SIK3: variants seen among roughly 807,000 people sequenced by gnomAD.
SIK3 encodes serine/threonine-protein kinase SIK3.
In SIK3, 28 loss-of-function variants were observed where a neutral mutation model predicts 144.2. That is an observed-to-expected ratio of 0.19 (90% CI 0.14 to 0.27). The LOEUF (loss-of-function observed/expected upper bound fraction) is 0.27. SIK3 is among the 10% of genes least tolerant of loss of function. The pLI is 1.00. For missense variants in SIK3, 1,319 were observed against 1,776.0 expected (o/e 0.74, Z 4.62); for synonymous variants, 686 against 676.3 (o/e 1.01, Z -0.22).
chr11:117,080,931 G>A (rs1386772702), intron 1 of SIK3, among the ~76,000 whole-genome samples: 1 of 152,110 alleles, frequency 6.6e-6, no homozygotes, highest in African/African-American at 2.4e-5. Context: ...ATGGGTGACA[G>A]AGAAACTCTG....
At chr11:117,065,175 CAATAAT>C (rs969211734) in intron 1 of SIK3, among the ~76,000 whole-genome samples, 1 of 148,310 alleles carries the variant, frequency 6.7e-6, no homozygotes, top group African/African-American at 2.5e-5. Context: ...ATAATAATAA[CAATAAT>C]AATAATAATA....
intron 1 of SIK3, among the ~76,000 whole-genome samples, chr11:116,983,962 G>A (rs529744009): frequency 6.7e-6 from 1 of 149,072 alleles, no homozygotes; most frequent in Admixed American, 6.8e-5. Flanking sequence ...GAGGCAGGAG[G>A]AGCACTTGAG....
At chr11:116,894,492 T>G (rs561614329) in intron 6 of SIK3, among the ~76,000 whole-genome samples, 2 of 152,216 alleles carry the variant, frequency 1.3e-5, no homozygotes, top group Non-Finnish European at 2.9e-5. Context: ...AGTAAAACCA[T>G]CCTTCCATTT....
intron 4 of SIK3, among the ~76,000 whole-genome samples, chr11:116,906,634 G>A (rs1212531159): frequency 1.3e-5 from 2 of 152,146 alleles, no homozygotes; most frequent in Non-Finnish European, 2.9e-5. Context: ...GCAGAAAAAG[G>A]TGGCTTACAG....
At chr11:117,019,375 C>G (rs377684576) in intron 1 of SIK3, among the ~76,000 whole-genome samples, 23 of 152,240 alleles carry the variant, frequency 1.5e-4, no homozygotes, top group African/African-American at 4.3e-4. Context: ...GTATATATCA[C>G]AGAATTTCAG....
At chr11:116,942,264 G>A (rs1162918611) in intron 3 of SIK3, among the ~76,000 whole-genome samples, 1 of 152,094 alleles carries the variant, frequency 6.6e-6, no homozygotes, top group Non-Finnish European at 1.5e-5. Context: ...CATTAAACAA[G>A]GAAGACACAG....
At chr11:117,052,397 G>C (rs1953296958) in intron 1 of SIK3, among the ~76,000 whole-genome samples, 2 of 152,172 alleles carry the variant, frequency 1.3e-5, no homozygotes, top group Non-Finnish European at 2.9e-5. Flanking sequence ...AGGCATGGTG[G>C]GGTGTTAAGG....
At chr11:116,882,244 T>C (rs1248490339) in intron 6 of SIK3, among the ~76,000 whole-genome samples, 1 of 152,160 alleles carries the variant, frequency 6.6e-6, no homozygotes, top group Non-Finnish European at 1.5e-5. Context: ...GAACACTAAA[T>C]GGGGAGCGTT....
chr11:116,996,485 C>T (rs1316673625), intron 1 of SIK3, among the ~76,000 whole-genome samples: 1 of 152,026 alleles, frequency 6.6e-6, no homozygotes, highest in African/African-American at 2.4e-5. Context: ...TGCTCAAATA[C>T]AGTGACAGGA....
At chr11:117,097,089 CTGA>C (rs1470158364) in intron 1 of SIK3, among the ~76,000 whole-genome samples, 2 of 152,132 alleles carry the variant, frequency 1.3e-5, no homozygotes, top group African/African-American at 4.8e-5. Context: ...AAGATTCCTC[CTGA>C]TGTCTTAGAT....
chr11:116,965,734 A>ATATATATATATAT (rs1949505471), intron 1 of SIK3, among the ~76,000 whole-genome samples: 1 of 118,402 alleles, frequency 8.4e-6, no homozygotes. Flanking sequence ...TCTCTGCTAA[A>ATATATATATATAT]ATATATATAT....
At chr11:116,855,134 T>G (rs1942801259) in intron 21 of SIK3, among the ~76,000 whole-genome samples, 1 of 148,194 alleles carries the variant, frequency 6.7e-6, no homozygotes, top group African/African-American at 2.6e-5. Flanking sequence ...ACAGTACAGC[T>G]GAATCTAGAC....
intron 3 of SIK3, among the ~76,000 whole-genome samples, chr11:116,943,656 A>G (rs769690620): frequency 6.6e-6 from 1 of 152,126 alleles, no homozygotes; most frequent in Non-Finnish European, 1.5e-5. Context: ...GTGAACATCA[A>G]TGAGGATAAC....
chr11:117,006,817 T>C (rs1184010125), intron 1 of SIK3, among the ~76,000 whole-genome samples: 1 of 152,194 alleles, frequency 6.6e-6, no homozygotes, highest in East Asian at 1.9e-4. Flanking sequence ...TGCTCTATTT[T>C]TCTCCCATAA....
intron 1 of SIK3, among the ~76,000 whole-genome samples, chr11:117,091,208 T>C (rs954602011): frequency 1.5e-4 from 21 of 144,112 alleles, no homozygotes; most frequent in Non-Finnish European, 2.3e-4. Flanking sequence ...TTCTTTTTTT[T>C]TTTTTTTTTT....
At chr11:117,032,588 C>T (rs578121313) in intron 1 of SIK3, among the ~76,000 whole-genome samples, 1 of 152,032 alleles carries the variant, frequency 6.6e-6, no homozygotes, top group African/African-American at 2.4e-5. Flanking sequence ...CTCACTACAA[C>T]CTCAAACTCC....
intron 4 of SIK3, among the ~76,000 whole-genome samples, chr11:116,917,530 G>A (rs77498160): frequency 2.6e-5 from 4 of 152,042 alleles, no homozygotes; most frequent in East Asian, 1.9e-4. Context: ...GCAGCAAAAC[G>A]AGTCCCATCT....
chr11:116,848,613 C>T (rs1045690439), intron 22 of SIK3, among the ~76,000 whole-genome samples: 1 of 152,118 alleles, frequency 6.6e-6, no homozygotes, highest in African/African-American at 2.4e-5. Flanking sequence ...GTTTAATAAC[C>T]AAAACTACAG....
In SIK3 at chr11:116,917,827, GAAGGA is replaced by G. The variant is rs55678809; in HGVS notation, c.616+9387_616+9391del. On this transcript the variant is annotated intron_variant, in intron 4 of 24. Transcript: ENST00000445177. Reference sequence around the variant, plus strand: ...GAGGAAGGAAAGAAGGAAGAAGAAGGAAGGAAAGGAAAGGAAAGGAAAGGAAAGGA... The same window carrying G: ...GAGGAAGGAAAGAAGGAAGAAGAAGGAAGGAAAGGAAAGGAAAGGAAAGGA... Among the ~76,000 whole-genome samples, 887 of 105,006 alleles carry G rather than the reference GAAGGA, an allele frequency of 8.4e-3. 11 individuals carry two copies. Among genetic ancestry groups the G allele is most frequent in the Admixed American group, 0.01 (105 of 10,008 alleles). The allele number at this position is 105,006 out of a possible 152,430, so 68.9% of individuals were successfully genotyped here.
Sources: allele counts gnomAD v4.1 joint callset (sites outside exome capture counted in the v4.1 genomes callset), GRCh38; gene constraint gnomAD v4.1.1; transcripts MANE v1.5; gene names NCBI Gene and HGNC (gene_info 2026-07-23, HGNC 2026-07-21).